Variants in DGKK observed in about 807,000 individuals in gnomAD.
DGKK encodes 142 kDa diacylglycerol kinase.
A neutral mutation model predicts 92.2 loss-of-function variants in DGKK; 35 were observed. The observed-to-expected ratio is 0.38, with a 90% CI of 0.29 to 0.50. The LOEUF is 0.50. DGKK is among the 20% of genes least tolerant of loss of function. DGKK has a pLI of 0.92. For missense variants in DGKK, 910 were observed against 992.2 expected (o/e 0.92, Z 1.11); for synonymous variants, 368 against 360.6 (o/e 1.02, Z -0.23).
At chrX:50,371,378 G>T (rs1456314194) in intron 26 of DGKK, among the ~76,000 whole-genome samples, 1 of 112,129 alleles carries the variant, frequency 8.9e-6, no homozygotes, top group African/African-American at 3.2e-5. Context: ...AGTCCTGGCA[G>T]CAGGTGCTGA....
In DGKK at chrX:50,404,380, G is replaced by A. The variant is rs1333856704; in HGVS notation, c.943-196C>T. Among the ~76,000 whole-genome samples, 3 of 109,170 alleles carry A rather than the reference G, an allele frequency of 2.7e-5. No individual in the cohort carries two copies. In the Admixed American group the frequency reaches 2.9e-4, roughly 11 times the overall value. 94.8% of individuals were successfully genotyped at this position (109,170 alleles called of 115,157 possible). On this transcript the variant is annotated intron_variant, in intron 4 of 27. Coordinates refer to ENST00000611977, the MANE Select transcript of DGKK (RefSeq NM_001013742.4). ...TGCGTTTTTGTTTGTTTTGCCAGTC[G>A]TTTCAAAAAGAAAAATAATAGAGGG... is the stretch of plus-strand genomic sequence containing the variant.
intron 3 of DGKK, among the ~76,000 whole-genome samples, chrX:50,420,825 C>T (rs1187410374): frequency 1.8e-5 from 2 of 112,089 alleles, no homozygotes; most frequent in African/African-American, 6.5e-5. Flanking sequence ...TTTCCCATTT[C>T]ATAGCCGAGA....
In DGKK at chrX:50,366,567, A is replaced by T. The variant is rs1397750329; in HGVS notation, c.*2373T>A. The T allele has an allele frequency of 8.9e-6, 1 of 112,367 alleles. No homozygotes were observed. The highest frequency in any genetic ancestry group is 1.9e-5 in the Non-Finnish European group (1 of 53,285). 9.3% of individuals were successfully genotyped at this position (112,367 alleles called of 1,213,427 possible). On this transcript the variant is annotated 3_prime_UTR_variant, in exon 28 of 28. Coordinates refer to ENST00000611977, the MANE Select transcript of DGKK (RefSeq NM_001013742.4). Reference sequence around the variant, plus strand: ...AGCACAAGAGATGGAGTCTTATTACAGTTTACTATCATCAGTGATAAAAAT... The same window carrying T: ...AGCACAAGAGATGGAGTCTTATTACTGTTTACTATCATCAGTGATAAAAAT...
rs1924694091 is a variant in DGKK, at chrX:50,391,476, A to C, written c.1805T>G (p.Leu602Arg). ...WNKSKSPLDI[L>R]NRVEQASVRI... ...CACACTAGCCTGCTCCACTCTGTTG[A>C]GGATGTCCAGAGGTGACTTGCTTTT... is the stretch of plus-strand genomic sequence containing the variant. Residue 602 changes from leucine (L) to arginine (R), a missense_variant, in exon 11 of 28, where the codon CTC (leucine) becomes CGC (arginine). By Grantham distance (102) the Leu-to-Arg change is moderately radical (BLOSUM62 -2). Coordinates refer to ENST00000611977, the MANE Select transcript of DGKK (RefSeq NM_001013742.4). 2 of 1,211,499 alleles carry C rather than the reference A, an allele frequency of 1.7e-6. No individual in the cohort carries two copies. The highest frequency in any genetic ancestry group is 2.2e-6 in the Non-Finnish European group (2 of 895,243).
intron 25 of DGKK, among the ~76,000 whole-genome samples, chrX:50,372,342 C>G (rs1557223318): frequency 8.9e-6 from 1 of 112,366 alleles, no homozygotes. Flanking sequence ...GATCACACAG[C>G]TAGACAGAAC....
intron 25 of DGKK, among the ~76,000 whole-genome samples, chrX:50,374,119 A>T (rs1304851217): frequency 5.4e-5 from 6 of 112,118 alleles, no homozygotes; most frequent in Non-Finnish European, 1.1e-4. Flanking sequence ...TTGAAGACCT[A>T]ATCCCCAGTA....
At position 50,379,619 on chromosome X, in the gene DGKK, A is replaced by G; in HGVS notation, c.2862+8T>C. The G allele has an allele frequency of 8.4e-7, 1 of 1,196,026 alleles. No homozygotes were observed. The highest frequency in any genetic ancestry group is 1.1e-6 in the Non-Finnish European group (1 of 881,900). ...TTTCTTCCTCCCCATTCCTTGTTCCATACTAACCGTGGTTGCTGTGTTGCT... is the reference window on the plus strand; with the variant it reads ...TTTCTTCCTCCCCATTCCTTGTTCCGTACTAACCGTGGTTGCTGTGTTGCT... On this transcript the variant is annotated splice_region_variant and intron_variant, in intron 20 of 27. Transcript: ENST00000611977.
At chrX:50,436,739 A>C (rs1299614951) in intron 1 of DGKK, among the ~76,000 whole-genome samples, 1 of 108,940 alleles carries the variant, frequency 9.2e-6, no homozygotes, top group Non-Finnish European at 1.9e-5. Context: ...TTTTTTTTTC[A>C]GGTAATAATA....
intron 15 of DGKK, 106 bp from the exon 16 acceptor site, chrX:50,384,930 T>C (rs782376385): frequency 1.0e-5 from 6 of 574,463 alleles, no homozygotes; most frequent in East Asian, 6.9e-5. Flanking sequence ...ATTACACTTA[T>C]TGAACATTTA....
At chrX:50,422,649 T>A (rs10126471) in intron 2 of DGKK, 123 bp from the exon 3 acceptor site, 116,951 of 371,779 alleles carry the variant, frequency 0.31, 14,198 homozygotes, top group Admixed American at 0.44. Context: ...CTGACAGGCA[T>A]TTGTGGCAGT....
At chrX:50,435,161 T>C (rs1602294717) in intron 1 of DGKK, among the ~76,000 whole-genome samples, 1 of 112,696 alleles carries the variant, frequency 8.9e-6, no homozygotes, top group Non-Finnish European at 1.9e-5. Context: ...CCATAGTATA[T>C]GAGGTCCATC....
chrX:50,411,817 A>T (rs1925312936), intron 4 of DGKK, among the ~76,000 whole-genome samples: 2 of 111,930 alleles, frequency 1.8e-5, no homozygotes, highest in South Asian at 3.7e-4. Flanking sequence ...TTATATATTT[A>T]AAAAAACCTA....
At chrX:50,418,092 C>T (rs1925482850) in intron 4 of DGKK, among the ~76,000 whole-genome samples, 1 of 111,562 alleles carries the variant, frequency 9.0e-6, no homozygotes, top group Non-Finnish European at 1.9e-5. Context: ...TACAATCTAT[C>T]TTTCAAGGTC....
rs1924135278 is a variant in DGKK, at chrX:50,371,773, A to T, written c.3563T>A (p.Phe1188Tyr). ...QSALDAMNKE[F>Y]KKLSEIDWMN... ...CCAGTCAATCTCAGATAGCTTTTTG[A>T]ACTCCTTATTCATGGCATCCAGGGC... Residue 1188 changes from phenylalanine (F) to tyrosine (Y), a missense_variant, in exon 26 of 28, where the codon TTC becomes TAC. By Grantham distance (22) the Phe-to-Tyr change is conservative. Coordinates refer to ENST00000611977, the MANE Select transcript of DGKK (RefSeq NM_001013742.4). 8.3e-7 allele frequency: 1 copy of T among 1,208,241 alleles called. No individual in the cohort carries two copies.
In DGKK at chrX:50,366,532, CA is replaced by C. The variant is rs2147113776; in HGVS notation, c.*2407del. 8.9e-6 allele frequency: 1 copy of C among 112,095 alleles called. No individual in the cohort carries two copies. Among genetic ancestry groups the C allele is most frequent in the African/African-American group, 3.2e-5 (1 of 30,864 alleles). 9.2% of individuals were successfully genotyped at this position (112,095 alleles called of 1,213,427 possible). A position where few individuals can be genotyped will look rare whatever the true frequency, so the allele number is the denominator to read the frequency against. ...ACTGTGCACAAAGACCTAATTATTG[CA>C]GCAAAGTAAGCACAAGAGATGGAGT... On this transcript the variant is annotated 3_prime_UTR_variant, in exon 28 of 28. Transcript: ENST00000611977.
chrX:50,467,112 A>G (rs1602310407), intron 1 of DGKK, among the ~76,000 whole-genome samples: 1 of 112,164 alleles, frequency 8.9e-6, no homozygotes, highest in Admixed American at 9.4e-5. Flanking sequence ...TCCCTCCCCC[A>G]AGAGAGTTAT....
At chrX:50,409,653 ACT>A (rs1364857672) in intron 4 of DGKK, among the ~76,000 whole-genome samples, 2 of 111,376 alleles carry the variant, frequency 1.8e-5, no homozygotes, top group Non-Finnish European at 3.8e-5. Flanking sequence ...TTTGATTTTT[ACT>A]CTCTGTAAAA....
At chrX:50,435,981 C>A (rs1398529224) in intron 1 of DGKK, among the ~76,000 whole-genome samples, 1 of 111,516 alleles carries the variant, frequency 9.0e-6, no homozygotes, top group Non-Finnish European at 1.9e-5. Context: ...TGGCTGAACA[C>A]AATTGCCTCA....
Position 50,399,618 on chromosome X carries a change from T to G in DGKK, c.1411+1419A>C, listed in dbSNP as rs182873240. On this transcript the variant is annotated intron_variant, in intron 8 of 27. Transcript: ENST00000611977. ...TTCCTCCAGTAAGTGAAATTGACCA[T>G]ATATAGAGTGAAACTAATCATACAC... 8.0e-5 allele frequency among the ~76,000 whole-genome samples: 9 copies of G among 112,364 alleles called. No homozygotes were observed. The East Asian group carries it at 2.5e-3, about 31-fold the overall frequency.
Sources: gnomAD v4.1 joint callset for allele counts (sites outside exome capture counted in the v4.1 genomes callset) on GRCh38, gnomAD v4.1.1 for gene constraint, MANE v1.5 for transcripts, NCBI Gene and HGNC (gene_info 2026-07-23, HGNC 2026-07-21) for gene names.